Variants in GRIA1 observed in about 807,000 individuals in gnomAD.
GRIA1 encodes glutamate receptor 1.
GRIA1 carries 31 observed loss-of-function variants against 99.2 expected under a neutral mutation model. That is an observed-to-expected ratio of 0.31 (90% CI 0.23 to 0.42). The LOEUF is 0.42. GRIA1 is among the 10% of genes least tolerant of loss of function. The probability of loss-of-function intolerance (pLI) is 1.00; values close to 1 mark genes in which losing one functional copy is unlikely to be tolerated. For synonymous variants in GRIA1, 438 were observed against 432.4 expected, an observed-to-expected ratio of 1.01 and a Z score of -0.16; for missense variants, 782 against 1,157.5, an observed-to-expected ratio of 0.68 and a Z score of 4.71.
intron 11 of GRIA1, among the ~76,000 whole-genome samples, chr5:153,740,348 A>G (rs1761691119): frequency 6.6e-6 from 1 of 152,206 alleles, no homozygotes. Flanking sequence ...TAGATGGAGA[A>G]CTGGGCACAG....
At chr5:153,558,158 C>T (rs965264410) in intron 2 of GRIA1, 3 of 152,152 alleles carry the variant, frequency 2.0e-5, no homozygotes, top group South Asian at 4.2e-4. Context: ...AATTTTTCAG[C>T]CCCATTATAA....
intron 10 of GRIA1, among the ~76,000 whole-genome samples, chr5:153,700,312 G>A (rs185976001): frequency 6.6e-6 from 1 of 152,324 alleles, no homozygotes; most frequent in Admixed American, 6.5e-5. Flanking sequence ...TTGAACCAAG[G>A]AGATAGAGGT....
intron 2 of GRIA1, among the ~76,000 whole-genome samples, chr5:153,630,381 A>G (rs1752858053): frequency 6.6e-6 from 1 of 152,168 alleles, no homozygotes; most frequent in Admixed American, 6.5e-5. Flanking sequence ...TATATTGAAG[A>G]GAAAAAGCCC....
At chr5:153,578,264 G>A (rs1011871638) in intron 2 of GRIA1, among the ~76,000 whole-genome samples, 8 of 151,182 alleles carry the variant, frequency 5.3e-5, no homozygotes, top group African/African-American at 1.5e-4. Context: ...GAAACATGAA[G>A]GTATTCGTTT....
intron 11 of GRIA1, among the ~76,000 whole-genome samples, chr5:153,720,978 C>T (rs904750324): frequency 2.6e-5 from 4 of 152,144 alleles, no homozygotes; most frequent in African/African-American, 7.2e-5. Context: ...GTGCCATCCA[C>T]GGGTGATGCA....
At chr5:153,620,507 C>G (rs978866099) in intron 2 of GRIA1, among the ~76,000 whole-genome samples, 1 of 152,098 alleles carries the variant, frequency 6.6e-6, no homozygotes, top group African/African-American at 2.4e-5. Context: ...AACACTTGTC[C>G]TGAGAGAAAG....
chr5:153,662,460 A>T (rs1485168918), intron 5 of GRIA1, among the ~76,000 whole-genome samples: 2 of 152,176 alleles, frequency 1.3e-5, no homozygotes, highest in African/African-American at 4.8e-5. Flanking sequence ...CTACCCTGTC[A>T]CAGTGTGGTG....
chr5:153,489,691 T>A (rs549807438), upstream of GRIA1: 1 of 433,386 alleles, frequency 2.3e-6, no homozygotes, highest in African/African-American at 2.0e-5. Context: ...CTGATCTCTC[T>A]ACAGGTTATT....
intron 2 of GRIA1, among the ~76,000 whole-genome samples, chr5:153,637,864 T>C (rs1753489562): frequency 6.6e-6 from 1 of 152,190 alleles, no homozygotes; most frequent in East Asian, 1.9e-4. Context: ...CACCGTGCAA[T>C]TTTCGTTATT....
intron 2 of GRIA1, among the ~76,000 whole-genome samples, chr5:153,592,395 C>A (rs1194111875): frequency 6.6e-6 from 1 of 151,684 alleles, no homozygotes. Context: ...AGATTCTAGT[C>A]CTGTCTGTGC....
chr5:153,514,266 G>A (rs567816531), intron 2 of GRIA1, among the ~76,000 whole-genome samples: 1 of 152,310 alleles, frequency 6.6e-6, no homozygotes, highest in South Asian at 2.1e-4. Flanking sequence ...TCATTATCCA[G>A]ACCAATGTCA....
chr5:153,659,117 T>C (rs1055599810), intron 5 of GRIA1, among the ~76,000 whole-genome samples: 2 of 152,192 alleles, frequency 1.3e-5, no homozygotes, highest in Non-Finnish European at 2.9e-5. Context: ...CTACTCTACC[T>C]ACTCATAGTG....
At chr5:153,778,127 T>G (rs1251038881) in intron 13 of GRIA1, among the ~76,000 whole-genome samples, 4 of 143,944 alleles carry the variant, frequency 2.8e-5, no homozygotes, top group South Asian at 2.3e-4. Context: ...AGGTTGGGAG[T>G]GAGGGAGGTT....
intron 11 of GRIA1, among the ~76,000 whole-genome samples, chr5:153,706,954 A>T (rs1033080220): frequency 1.3e-5 from 2 of 152,064 alleles, no homozygotes; most frequent in Admixed American, 6.5e-5. Context: ...ATAATAAAAC[A>T]ATAATAATAA....
At chr5:153,601,388 C>CT (rs1465603017) in intron 2 of GRIA1, among the ~76,000 whole-genome samples, 5 of 152,164 alleles carry the variant, frequency 3.3e-5, no homozygotes, top group African/African-American at 7.2e-5. Context: ...CACAAAGAGA[C>CT]TTTTTTTAAT....
intron 11 of GRIA1, among the ~76,000 whole-genome samples, chr5:153,712,942 C>A (rs1581520054): frequency 6.6e-6 from 1 of 152,282 alleles, no homozygotes; most frequent in East Asian, 1.9e-4. Flanking sequence ...TTTCACAAGC[C>A]TCCCCACCCA....
intron 11 of GRIA1, among the ~76,000 whole-genome samples, chr5:153,758,994 A>T (rs959299401): frequency 2.6e-5 from 4 of 152,004 alleles, no homozygotes; most frequent in African/African-American, 9.7e-5. Flanking sequence ...TGAACAACCA[A>T]TGAATCAATG....
At chr5:153,592,274 G>A (rs1764039623) in intron 2 of GRIA1, among the ~76,000 whole-genome samples, 1 of 152,220 alleles carries the variant, frequency 6.6e-6, no homozygotes, top group Non-Finnish European at 1.5e-5. Flanking sequence ...CTAGTAGATG[G>A]CTCTAGATTC....
intron 2 of GRIA1, among the ~76,000 whole-genome samples, chr5:153,553,937 G>C (rs1304066242): frequency 1.3e-5 from 2 of 152,130 alleles, no homozygotes; most frequent in Non-Finnish European, 2.9e-5. Flanking sequence ...TGTCTGACTA[G>C]CTACCTACTG....
Sources: allele counts gnomAD v4.1 joint callset (sites outside exome capture counted in the v4.1 genomes callset), GRCh38; gene constraint gnomAD v4.1.1; transcripts MANE v1.5; gene names NCBI Gene and HGNC (gene_info 2026-07-23, HGNC 2026-07-21).